The following SLIT2 variants were observed in gnomAD, a reference collection of about 807,000 sequenced individuals.
SLIT2 encodes slit homolog 2 protein.
In SLIT2, 41 loss-of-function variants were observed where a neutral mutation model predicts 185.7. The observed-to-expected ratio is 0.22, with a 90% CI of 0.17 to 0.29. SLIT2 has a LOEUF of 0.29. Among genes scored for constraint, SLIT2 ranks in the 10% least tolerant of loss-of-function variants. SLIT2 has a pLI of 1.00. For synonymous variants in SLIT2, 693 were observed against 680.2 expected (o/e 1.02, Z -0.29); for missense variants, 1,571 against 1,909.0 (o/e 0.82, Z 3.30).
chr4:20,453,883 G>A (rs1248828821), intron 4 of SLIT2, among the ~76,000 whole-genome samples: 5 of 152,180 alleles, frequency 3.3e-5, no homozygotes, highest in East Asian at 1.9e-4. Flanking sequence ...GTATAGGTAC[G>A]GAGAGGTTGA....
At chr4:20,323,568 T>G (rs1348808384) in intron 4 of SLIT2, among the ~76,000 whole-genome samples, 4 of 152,048 alleles carry the variant, frequency 2.6e-5, no homozygotes, top group Non-Finnish European at 4.4e-5. Flanking sequence ...ACAAGGGAAG[T>G]GGAGGAAGAA....
At chr4:20,322,432 G>A (rs762353731) in intron 4 of SLIT2, among the ~76,000 whole-genome samples, 1 of 152,142 alleles carries the variant, frequency 6.6e-6, no homozygotes, top group Non-Finnish European at 1.5e-5. Flanking sequence ...AGGTAGATAA[G>A]AGACAAATGG....
chr4:20,608,629 T>C (rs1454822036), intron 33 of SLIT2, among the ~76,000 whole-genome samples: 1 of 152,150 alleles, frequency 6.6e-6, no homozygotes, highest in Non-Finnish European at 1.5e-5. Flanking sequence ...GAATGTCAAG[T>C]GTTTTCACAA....
chr4:20,538,622 T>G (rs936693621), intron 18 of SLIT2, among the ~76,000 whole-genome samples: 3 of 152,162 alleles, frequency 2.0e-5, no homozygotes, highest in African/African-American at 7.2e-5. Context: ...TTATGGCAAC[T>G]ATTCATATAC....
At position 20,524,029 on chromosome 4, in the gene SLIT2, C is replaced by G; in HGVS notation, c.1290C>G (p.Asn430Lys). The G allele has an allele frequency of 6.2e-7, 1 of 1,614,178 alleles. No individual in the cohort carries two copies. The highest frequency in any genetic ancestry group is 8.5e-7 in the Non-Finnish European group (1 of 1,180,014). ...GTTTCCAAAGGCATTTGGCCCAGAA[C>G]CCCTTTATTTGTGACTGCCATCTCA... is the stretch of plus-strand genomic sequence containing the variant. Reference protein sequence around the residue: ...RAIQTMHLAQNPFICDCHLKW... With the variant: ...RAIQTMHLAQKPFICDCHLKW... The change falls in exon 14 of 37, where the codon AAC becomes AAG. Residue 430 changes from asparagine to lysine, a missense_variant. This residue lies in a region of SLIT2 where 1,202 missense variants were observed against 1,416.4 expected (regional missense o/e 0.85). Coordinates refer to ENST00000504154, the MANE Select transcript of SLIT2 (RefSeq NM_004787.4).
chr4:20,463,710 T>TA (rs1248099017), intron 4 of SLIT2, among the ~76,000 whole-genome samples: 23 of 150,072 alleles, frequency 1.5e-4, no homozygotes, highest in Admixed American at 1.5e-3. Context: ...CCATCTGTAC[T>TA]AAAAATACAA....
At chr4:20,363,686 C>T (rs577722403) in intron 4 of SLIT2, among the ~76,000 whole-genome samples, 1 of 152,146 alleles carries the variant, frequency 6.6e-6, no homozygotes, top group Non-Finnish European at 1.5e-5. Flanking sequence ...AACACACTTC[C>T]TATGCAGATT....
intron 4 of SLIT2, among the ~76,000 whole-genome samples, chr4:20,354,037 G>T (rs1722102327): frequency 1.3e-5 from 2 of 151,968 alleles, no homozygotes; most frequent in African/African-American, 2.4e-5. Flanking sequence ...AGAGGAAACT[G>T]CAAAAAAAGA....
chr4:20,426,690 A>G (rs1005289055), intron 4 of SLIT2, among the ~76,000 whole-genome samples: 2 of 152,196 alleles, frequency 1.3e-5, no homozygotes, highest in African/African-American at 4.8e-5. Context: ...GAGAGCTGGG[A>G]TCTACAGAGC....
At chr4:20,305,921 A>AATC (rs1553876033) in intron 4 of SLIT2, among the ~76,000 whole-genome samples, 3 of 134,134 alleles carry the variant, frequency 2.2e-5, no homozygotes, top group Admixed American at 7.6e-5. Flanking sequence ...TAATAATAAT[A>AATC]ATCCTAAAGA....
intron 4 of SLIT2, among the ~76,000 whole-genome samples, chr4:20,449,945 G>A (rs1391007430): frequency 7.9e-6 from 1 of 126,384 alleles, no homozygotes; most frequent in Admixed American, 8.6e-5. Flanking sequence ...ATGATTTCAA[G>A]ATTGACAGCT....
At chr4:20,564,255 A>T (rs1385080054) in intron 26 of SLIT2, among the ~76,000 whole-genome samples, 1 of 151,776 alleles carries the variant, frequency 6.6e-6, no homozygotes. Flanking sequence ...CAGAAGATGG[A>T]CTTAGAAGGG....
chr4:20,374,038 G>A (rs114291384), intron 4 of SLIT2, among the ~76,000 whole-genome samples: 77 of 152,204 alleles, frequency 5.1e-4, no homozygotes, highest in African/African-American at 1.8e-3. Flanking sequence ...AATTTAAACT[G>A]CCTAAGTGTG....
chr4:20,610,717 A>G (rs946743531), intron 34 of SLIT2, among the ~76,000 whole-genome samples: 1 of 152,332 alleles, frequency 6.6e-6, no homozygotes, highest in South Asian at 2.1e-4. Context: ...GAATGAATGA[A>G]TGAACAAATT....
Position 20,491,913 on chromosome 4 carries a change from A to G in SLIT2, c.914+14A>G, listed in dbSNP as rs758322975. 1.2e-6 allele frequency: 2 copies of G among 1,606,862 alleles called. No individual in the cohort carries two copies. Among genetic ancestry groups the G allele is most frequent in the Non-Finnish European group, 8.5e-7 (1 of 1,177,574 alleles). On this transcript the variant is annotated intron_variant, in intron 9 of 36. Coordinates refer to ENST00000504154, the MANE Select transcript of SLIT2 (RefSeq NM_004787.4). ...CATCACAGAAATGTATGTGCCTGAA[A>G]TTCTTTCTTATCTCCCCACCTTCCC...
intron 4 of SLIT2, among the ~76,000 whole-genome samples, chr4:20,396,821 T>C (rs1235418057): frequency 2.0e-5 from 3 of 148,312 alleles, no homozygotes; most frequent in African/African-American, 7.3e-5. Flanking sequence ...ATATTTCATA[T>C]ATATTTAAAT....
At chr4:20,374,194 G>T (rs557901150) in intron 4 of SLIT2, among the ~76,000 whole-genome samples, 1 of 152,174 alleles carries the variant, frequency 6.6e-6, no homozygotes, top group East Asian at 1.9e-4. Flanking sequence ...TACATGCAGG[G>T]TGTCTGGAGG....
intron 4 of SLIT2, among the ~76,000 whole-genome samples, chr4:20,288,052 A>G (rs1715440960): frequency 6.6e-6 from 1 of 151,402 alleles, no homozygotes; most frequent in Non-Finnish European, 1.5e-5. Context: ...GTTGCACATA[A>G]CAGAGTGTGT....
At position 20,482,437 on chromosome 4, in the gene SLIT2, T is replaced by C. The variant is rs116400386; in HGVS notation, c.539+1650T>C. On this transcript the variant is annotated intron_variant, in intron 6 of 36. Coordinates refer to ENST00000504154, the MANE Select transcript of SLIT2 (RefSeq NM_004787.4). ...GAACACTATGCTAGGCACTGAAATC[T>C]TTTACCCACAAATACAATAACTACA... Among the ~76,000 whole-genome samples the C allele has an allele frequency of 2.2e-3, 331 of 152,128 alleles. 1 individual carries two copies. Among genetic ancestry groups the C allele is most frequent in the African/African-American group, 7.7e-3 (321 of 41,574 alleles).
Sources: allele counts gnomAD v4.1 joint callset (sites outside exome capture counted in the v4.1 genomes callset), GRCh38; gene constraint gnomAD v4.1.1; regional missense constraint gnomAD v4.1.1; transcripts MANE v1.5; gene names NCBI Gene and HGNC (gene_info 2026-07-23, HGNC 2026-07-21).